The following TSPAN4 variants were observed in gnomAD, a reference collection of about 807,000 sequenced individuals.
TSPAN4 encodes the protein tetraspanin 4, also known as tetraspanin-4.
Under a neutral mutation model 31.5 loss-of-function variants are expected in TSPAN4, and 38 were observed. The observed-to-expected ratio is 1.21, with a 90% CI of 0.93 to 1.58. TSPAN4 has a LOEUF of 1.58. TSPAN4 is among the 40% of genes most tolerant of loss of function. The pLI is 0.00. For synonymous variants in TSPAN4, 186 were observed against 144.6 expected, an observed-to-expected ratio of 1.29 and a Z score of -2.06; for missense variants, 330 against 317.3, an observed-to-expected ratio of 1.04 and a Z score of -0.30.
intron 2 of TSPAN4, chr11:849,749 G>A (rs950877883): frequency 1.3e-5 from 2 of 150,420 alleles, no homozygotes; most frequent in East Asian, 3.9e-4. Flanking sequence ...GTGCGGCGAG[G>A]AGGGGAGGGG....
rs963820381 is a variant in TSPAN4 at position 844,883 on chromosome 11, T to C, written c.-118+1968T>C. The stretch of plus-strand genomic sequence containing the variant: ...CAAAGGACCAGGGGAAACCCATGAT[T>C]GAAGTTTTAGCTGCTGACCCCTCCC... On this transcript the variant is annotated intron_variant, in intron 1 of 8. Coordinates refer to ENST00000397397, the MANE Select transcript of TSPAN4 (RefSeq NM_003271.5). Among the ~76,000 whole-genome samples the C allele has an allele frequency of 3.3e-5, 5 of 152,088 alleles. No individual in the cohort carries two copies. In the East Asian group the frequency reaches 9.6e-4, roughly 29 times the overall value.
rs969783240 is a variant in TSPAN4, at chr11:848,735, C to T, written c.-18+1435C>T. On this transcript the variant is annotated intron_variant, in intron 2 of 8. Transcript: ENST00000397397. This position sits in a 1 kb window ranked among gnomAD's most constrained non-coding sequence, Gnocchi z 5.7. The stretch of plus-strand genomic sequence containing the variant: ...CACCTCTGGGCTTCAGGTCATCTGC[C>T]AGGAATCTGGGCCACGTGCTGATAT... 1.9e-6 allele frequency: 1 copy of T among 524,450 alleles called. No homozygotes were observed. The highest frequency in any genetic ancestry group is 3.4e-6 in the Non-Finnish European group (1 of 293,166). The allele number at this position is 524,450 out of a possible 1,614,324, so 32.5% of individuals were successfully genotyped here.
At position 865,565 on chromosome 11, in the gene TSPAN4, C is replaced by T. The variant is rs559071583; in HGVS notation, c.383C>T (p.Thr128Met). 24 of 1,612,682 alleles carry T rather than the reference C, an allele frequency of 1.5e-5. No homozygotes were observed. Among genetic ancestry groups the T allele is most frequent in the Middle Eastern group, 3.4e-4 (2 of 5,956 alleles). ...DLKKGLHLYG[T>M]QGNVGLTNAW... Reference sequence around the variant, plus strand: ...AAGAAAGGCTTGCACCTGTACGGCACGCAGGGCAACGTGGGCCTCACCAAC... The same window carrying T: ...AAGAAAGGCTTGCACCTGTACGGCATGCAGGGCAACGTGGGCCTCACCAAC... The change falls in exon 6 of 9, where the codon ACG becomes ATG. Residue 128 changes from threonine (T) to methionine (M), a missense_variant. Transcript: ENST00000397397.
At chr11:851,981 AG>A (rs34926885) in intron 3 of TSPAN4, among the ~76,000 whole-genome samples, 91,745 of 151,830 alleles carry the variant, frequency 0.6, 28,394 homozygotes, top group Non-Finnish European at 0.65. Flanking sequence ...GAGGACCCCC[AG>A]GTGGACCTCT....
At position 849,296 on chromosome 11, in the gene TSPAN4, G is replaced by A. The variant is rs556533116; in HGVS notation, c.-17-992G>A. On this transcript the variant is annotated intron_variant, in intron 2 of 8. Transcript: ENST00000397397. ...CCTCCCATATAGTCAAAGACTCAACGACACCTGCTCCATGCAGTGCAGGCT... is the reference window on the plus strand; with the variant it reads ...CCTCCCATATAGTCAAAGACTCAACAACACCTGCTCCATGCAGTGCAGGCT... 7.9e-5 allele frequency among the ~76,000 whole-genome samples: 12 copies of A among 152,132 alleles called. No homozygotes were observed. In the East Asian group the frequency reaches 2.1e-3, roughly 27 times the overall value.
At chr11:866,525 G>A in intron 8 of TSPAN4, 37 bp from the exon 9 acceptor site, 11 of 1,599,028 alleles carry the variant, frequency 6.9e-6, no homozygotes, top group East Asian at 2.2e-5. Context: ...CTGAGCCTGT[G>A]GAGCTGCCAT....
At chr11:861,076 G>A (rs972884493) in intron 3 of TSPAN4, among the ~76,000 whole-genome samples, 2 of 152,200 alleles carry the variant, frequency 1.3e-5, no homozygotes, top group African/African-American at 2.4e-5. Context: ...GTGGGGTCCT[G>A]GCGGACCCCT....
chr11:864,281 G>T, intron 4 of TSPAN4, 156 bp from the exon 5 acceptor site: 1 of 809,654 alleles, frequency 1.2e-6, no homozygotes, highest in Non-Finnish European at 2.0e-6. Context: ...TTCTGAGGTG[G>T]GGGCGGCGTT....
At position 865,804 on chromosome 11, in the gene TSPAN4, C is replaced by A. The variant is rs1400310917; in HGVS notation, c.543C>A (p.Ala181=). 6.2e-7 allele frequency: 1 copy of A among 1,612,392 alleles called. No individual in the cohort carries two copies. Among genetic ancestry groups the A allele is most frequent in the Non-Finnish European group, 8.5e-7 (1 of 1,179,700 alleles). The change falls in exon 7 of 9, where the codon GCC becomes GCA. Residue 181 remains alanine, a synonymous_variant. Coordinates refer to ENST00000397397, the MANE Select transcript of TSPAN4 (RefSeq NM_003271.5). The part of the protein sequence containing the change: ...LEFSESCGLH[A]PGTWWKAPCY... Reference sequence around the variant, plus strand: ...TCAGTGAGAGCTGTGGGCTGCACGCCCCCGGCACCTGGTGGAAGGCGGTGA... The same window carrying A: ...TCAGTGAGAGCTGTGGGCTGCACGCACCCGGCACCTGGTGGAAGGCGGTGA...
In TSPAN4 at chr11:865,825, GGTGA is replaced by G. The variant is rs776268263; in HGVS notation, c.564+6_564+9del. ...ACGCCCCCGGCACCTGGTGGAAGGC[GGTGA>G]GTGAGACCCCCACCCTGGGGGCTGG... On this transcript the variant is annotated splice_donor_variant and splice_donor_region_variant and intron_variant, in intron 7 of 8. Transcript: ENST00000397397. LOFTEE classifies it high-confidence loss of function. 3.6e-5 allele frequency: 58 copies of G among 1,612,196 alleles called. No homozygotes were observed. The highest frequency in any genetic ancestry group is 1.7e-4 in the Middle Eastern group (1 of 6,060).
chr11:863,375 A>G (rs1848584286), intron 4 of TSPAN4: 1 of 152,232 alleles, frequency 6.6e-6, no homozygotes, highest in African/African-American at 2.4e-5. Flanking sequence ...GAGGTCCTAA[A>G]TCACGAGGCT....
At chr11:851,623 T>A (rs7946756) in intron 3 of TSPAN4, among the ~76,000 whole-genome samples, 84,159 of 151,656 alleles carry the variant, frequency 0.55, 24,263 homozygotes, top group Non-Finnish European at 0.63. Flanking sequence ...CCCAAGGGTT[T>A]GTTTTCTGCA....
At chr11:866,097 C>T in intron 8 of TSPAN4, 96 bp downstream of exon 8, 2 of 1,373,332 alleles carry the variant, frequency 1.5e-6, no homozygotes, top group South Asian at 1.2e-5. Flanking sequence ...CCCAGGAACC[C>T]ACGATCGGGG....
At chr11:852,330 G>A (rs1228564565) in intron 3 of TSPAN4, among the ~76,000 whole-genome samples, 1 of 152,038 alleles carries the variant, frequency 6.6e-6, no homozygotes, top group African/African-American at 2.4e-5. Context: ...CACCATGTTG[G>A]TCAGGTTGGT....
At position 865,800 on chromosome 11, in the gene TSPAN4, A is replaced by T; in HGVS notation, c.539A>T (p.His180Leu). 6.2e-7 allele frequency: 1 copy of T among 1,612,454 alleles called. No homozygotes were observed. Among genetic ancestry groups the T allele is most frequent in the South Asian group, 1.1e-5 (1 of 90,976 alleles). ...CLEFSESCGL[H>L]APGTWWKAPC... ...GAGTTCAGTGAGAGCTGTGGGCTGCACGCCCCCGGCACCTGGTGGAAGGCG... is the reference window on the plus strand; with the variant it reads ...GAGTTCAGTGAGAGCTGTGGGCTGCTCGCCCCCGGCACCTGGTGGAAGGCG... Residue 180 changes from histidine (H) to leucine (L), a missense_variant, in exon 7 of 9, where the codon CAC becomes CTC. Transcript: ENST00000397397.
At chr11:866,055 A>G in intron 8 of TSPAN4, 54 bp downstream of exon 8, 1 of 1,578,290 alleles carries the variant, frequency 6.3e-7, no homozygotes, top group Non-Finnish European at 8.7e-7. Flanking sequence ...GGACCTTCTG[A>G]GCCCAGGGAA....
intron 3 of TSPAN4, among the ~76,000 whole-genome samples, chr11:860,905 G>A (rs1480558838): frequency 1.3e-5 from 2 of 152,124 alleles, no homozygotes; most frequent in African/African-American, 2.4e-5. Flanking sequence ...CCAGTCAACC[G>A]TCGGCACCCC....
chr11:843,848 C>A (rs1202600048), intron 1 of TSPAN4: 1 of 152,108 alleles, frequency 6.6e-6, no homozygotes, highest in African/African-American at 2.4e-5. Flanking sequence ...CATCAGCTGC[C>A]GCTTTCTCAG....
At chr11:864,299 C>T (rs138349237) in intron 4 of TSPAN4, 138 bp from the exon 5 acceptor site, 24,580 of 1,065,920 alleles carry the variant, frequency 0.023, 429 homozygotes, top group Non-Finnish European at 0.027. Context: ...GTTCTGGGCT[C>T]TCTGGGAGTG....
Sources: gnomAD v4.1 joint callset for allele counts (sites outside exome capture counted in the v4.1 genomes callset) on GRCh38, gnomAD v4.1.1 for gene constraint, Gnocchi (gnomAD v3.1) non-coding constraint, MANE v1.5 for transcripts, NCBI Gene and HGNC (gene_info 2026-07-23, HGNC 2026-07-21) for gene names.